Variants in ZC3HAV1 observed in about 807,000 individuals in gnomAD.
ZC3HAV1 encodes zinc finger CCCH-type containing, antiviral 1.
Under a neutral mutation model 86.6 loss-of-function variants are expected in ZC3HAV1, and 41 were observed. The ratio of observed to expected loss-of-function variants is 0.47; its 90% CI spans 0.37 to 0.61. The LOEUF (loss-of-function observed/expected upper bound fraction) is 0.61. Ranked by LOEUF, ZC3HAV1 falls within the 20% of genes least tolerant of loss-of-function variation. The pLI is 0.00. For missense variants in ZC3HAV1, 964 were observed against 1,141.1 expected (o/e 0.84, Z 2.24); for synonymous variants, 421 against 432.1 (o/e 0.97, Z 0.32).
intron 2 of ZC3HAV1, among the ~76,000 whole-genome samples, chr7:139,086,142 C>T (rs943624709): frequency 6.6e-6 from 1 of 152,186 alleles, no homozygotes; most frequent in South Asian, 2.1e-4. Flanking sequence ...CTGACTCCTC[C>T]TGCCAAAGCC....
rs1243799273 is a variant in ZC3HAV1 at position 139,109,155 on chromosome 7, C to G, written c.177G>C (p.Gly59=). 2 of 1,594,132 alleles carry G rather than the reference C, an allele frequency of 1.3e-6. No homozygotes were observed. Among genetic ancestry groups the G allele is most frequent in the Admixed American group, 3.5e-5 (2 of 56,780 alleles). The change falls in exon 1 of 13, where the codon GGG becomes GGC. Residue 59 remains glycine, a synonymous_variant. Transcript: ENST00000242351. ...TGGTGGCCACCACCGATCGGGTGAT[C>G]CCGGCCTCGCCGCCGGTCTCCAACA... The part of the protein sequence containing the change: ...FVVLETGGEA[G]ITRSVVATTR...
chr7:139,057,016 T>A (rs1816303883), intron 9 of ZC3HAV1, among the ~76,000 whole-genome samples: 1 of 152,154 alleles, frequency 6.6e-6, no homozygotes, highest in African/African-American at 2.4e-5. Flanking sequence ...AGGGAAATGA[T>A]AACATGTATT....
At chr7:139,053,344 T>C in intron 12 of ZC3HAV1, 107 bp downstream of exon 12, 2 of 1,356,750 alleles carry the variant, frequency 1.5e-6, no homozygotes, top group South Asian at 3.6e-5. Context: ...CACTAGAGCC[T>C]GGACACTCTG....
At chr7:139,052,606 CAAAAAAAA>C (rs35386659) in intron 12 of ZC3HAV1, among the ~76,000 whole-genome samples, 73 of 64,972 alleles carry the variant, frequency 1.1e-3, no homozygotes, top group African/African-American at 3.0e-3. Flanking sequence ...ACTCTGTCTC[CAAAAAAAA>C]AAAAAAAAAA....
intron 1 of ZC3HAV1, among the ~76,000 whole-genome samples, chr7:139,100,428 T>C (rs1254547986): frequency 6.6e-6 from 1 of 150,586 alleles, no homozygotes; most frequent in Non-Finnish European, 1.5e-5. Flanking sequence ...TCCCAGCTAC[T>C]CAGGAGGCTG....
At chr7:139,096,776 G>T (rs1181073328) in intron 1 of ZC3HAV1, among the ~76,000 whole-genome samples, 2 of 152,146 alleles carry the variant, frequency 1.3e-5, no homozygotes, top group Non-Finnish European at 2.9e-5. Flanking sequence ...TACCCCCAAG[G>T]AATTATATGT....
At chr7:139,098,091 C>T (rs1817658375) in intron 1 of ZC3HAV1, among the ~76,000 whole-genome samples, 1 of 151,978 alleles carries the variant, frequency 6.6e-6, no homozygotes, top group South Asian at 2.1e-4. Context: ...ATTACAAGTG[C>T]ACGCCACCAT....
chr7:139,070,492 G>A (rs1329871132), intron 7 of ZC3HAV1, among the ~76,000 whole-genome samples: 6 of 151,398 alleles, frequency 4.0e-5, no homozygotes, highest in East Asian at 1.9e-4. Context: ...GTGAAACCCC[G>A]TCTCTACTAA....
rs754222693 is a variant in ZC3HAV1, at chr7:139,078,667, A to T, written c.1472-14T>A. ...CAGATAAAGAATCTATGAAACAAAA[A>T]AGGATGCATGTATGCTGATCTTAAT... On this transcript the variant is annotated splice_polypyrimidine_tract_variant and intron_variant, in intron 4 of 12. Coordinates refer to ENST00000242351, the MANE Select transcript of ZC3HAV1 (RefSeq NM_020119.4). 1 of 1,546,772 alleles carries T rather than the reference A, an allele frequency of 6.5e-7. No homozygotes were observed. The highest frequency in any genetic ancestry group is 1.2e-5 in the South Asian group (1 of 81,718).
chr7:139,102,728 TACACACACACACACACACACACAC>T (rs113108708), intron 1 of ZC3HAV1, among the ~76,000 whole-genome samples: 3 of 139,416 alleles, frequency 2.2e-5, no homozygotes, highest in Admixed American at 1.4e-4. Context: ...ACTGTCTCTA[TACACACACACACACACACACACAC>T]ACACACACAC....
At chr7:139,073,623 G>C (rs561150993) in intron 7 of ZC3HAV1, among the ~76,000 whole-genome samples, 1 of 151,744 alleles carries the variant, frequency 6.6e-6, no homozygotes, top group Admixed American at 6.6e-5. Flanking sequence ...CCAGAGTAGC[G>C]GGGATTATAG....
At chr7:139,073,279 A>G (rs144184280) in intron 7 of ZC3HAV1, among the ~76,000 whole-genome samples, 2,495 of 152,200 alleles carry the variant, frequency 0.016, 67 homozygotes, top group African/African-American at 0.057. Context: ...AGCATGGGTG[A>G]TAAGAGTGAA....
At chr7:139,093,563 T>C in intron 1 of ZC3HAV1, among the ~76,000 whole-genome samples, 1 of 152,174 alleles carries the variant, frequency 6.6e-6, no homozygotes, top group East Asian at 1.9e-4. Flanking sequence ...CCTTGTGAAA[T>C]TCCTTCTCCT....
intron 1 of ZC3HAV1, among the ~76,000 whole-genome samples, chr7:139,092,889 T>C (rs1817475345): frequency 6.6e-6 from 1 of 152,234 alleles, no homozygotes; most frequent in African/African-American, 2.4e-5. Context: ...TGGTCTGACC[T>C]GCAGCCCCTT....
intron 7 of ZC3HAV1, among the ~76,000 whole-genome samples, chr7:139,065,890 ACT>A (rs778400355): frequency 6.6e-6 from 1 of 152,090 alleles, no homozygotes; most frequent in Non-Finnish European, 1.5e-5. Context: ...ACAGAGCAAG[ACT>A]CTGTCAAAAA....
intron 1 of ZC3HAV1, among the ~76,000 whole-genome samples, chr7:139,090,638 G>A (rs750167409): frequency 7.3e-5 from 11 of 151,610 alleles, no homozygotes; most frequent in South Asian, 6.3e-4. Flanking sequence ...GAATATTATC[G>A]GTTGCACTAT....
intron 1 of ZC3HAV1, among the ~76,000 whole-genome samples, chr7:139,091,905 G>A (rs956760448): frequency 6.6e-6 from 1 of 152,154 alleles, no homozygotes; most frequent in Non-Finnish European, 1.5e-5. Flanking sequence ...GCCACACTTC[G>A]AGACGAATTA....
At chr7:139,069,293 C>T (rs149046848) in intron 7 of ZC3HAV1, among the ~76,000 whole-genome samples, 1 of 152,154 alleles carries the variant, frequency 6.6e-6, no homozygotes, top group Non-Finnish European at 1.5e-5. Context: ...ATTATTTATT[C>T]CCCACAAGAC....
intron 12 of ZC3HAV1, among the ~76,000 whole-genome samples, chr7:139,051,377 A>T (rs1201484969): frequency 1.4e-5 from 2 of 146,006 alleles, no homozygotes; most frequent in East Asian, 4.0e-4. Flanking sequence ...ATTTTTCTCT[A>T]TAGCAGCCCA....
Sources: gnomAD v4.1 joint callset for allele counts (sites outside exome capture counted in the v4.1 genomes callset) on GRCh38, gnomAD v4.1.1 for gene constraint, MANE v1.5 for transcripts, NCBI Gene and HGNC (gene_info 2026-07-23, HGNC 2026-07-21) for gene names.